Variants in KIF6 observed in about 807,000 individuals in gnomAD.
KIF6 encodes kinesin family member 6, also known as kinesin-like protein KIF6.
In KIF6, 106 loss-of-function variants were observed where a neutral mutation model predicts 112.7. The ratio of observed to expected loss-of-function variants is 0.94; its 90% CI spans 0.80 to 1.11. The LOEUF is 1.11. KIF6 is among the 50% of genes least tolerant of loss of function. KIF6 has a pLI of 0.00. For synonymous variants in KIF6, 339 were observed against 339.9 expected (o/e 1.00, Z 0.03); for missense variants, 929 against 964.0 (o/e 0.96, Z 0.48).
intron 3 of KIF6, among the ~76,000 whole-genome samples, chr6:39,654,303 C>G (rs557293531): frequency 1.3e-3 from 197 of 152,296 alleles, no homozygotes; most frequent in African/African-American, 3.8e-3. Flanking sequence ...CCTCCACCCC[C>G]ACAAACAGAA....
chr6:39,606,134 C>T (rs1782871232), intron 6 of KIF6, among the ~76,000 whole-genome samples: 3 of 151,780 alleles, frequency 2.0e-5, no homozygotes. Context: ...CCCTCCTCCT[C>T]CTTCTCCTAT....
At chr6:39,502,435 A>T (rs919568682) in intron 13 of KIF6, among the ~76,000 whole-genome samples, 1 of 152,178 alleles carries the variant, frequency 6.6e-6, no homozygotes, top group Non-Finnish European at 1.5e-5. Flanking sequence ...AATCACATAA[A>T]CAAGTCTGCG....
intron 3 of KIF6, among the ~76,000 whole-genome samples, chr6:39,713,173 A>G (rs1357428834): frequency 1.3e-5 from 2 of 152,196 alleles, no homozygotes; most frequent in Non-Finnish European, 2.9e-5. Context: ...GTCACCGCAC[A>G]CAATTAAAGC....
Position 39,368,117 on chromosome 6 carries a change from T to G in KIF6, c.1862-5599A>C, listed in dbSNP as rs575163175. 2.0e-5 allele frequency among the ~76,000 whole-genome samples: 3 copies of G among 152,282 alleles called. No homozygotes were observed. The South Asian group carries it at 6.2e-4, about 32-fold the overall frequency. The stretch of plus-strand genomic sequence containing the variant: ...GCACGTCCCCTACATGCCTGCCTGC[T>G]TTCCAGACATTTGGGAGCCACTGTG... On this transcript the variant is annotated intron_variant, in intron 16 of 22. Transcript: ENST00000287152.
intron 10 of KIF6, among the ~76,000 whole-genome samples, chr6:39,575,254 C>T (rs1210995480): frequency 6.6e-6 from 1 of 151,338 alleles, no homozygotes; most frequent in Non-Finnish European, 1.5e-5. Context: ...GCTGCCAGTG[C>T]TTGAGCGTCT....
chr6:39,674,472 T>C (rs1178020391), intron 3 of KIF6, among the ~76,000 whole-genome samples: 1 of 152,092 alleles, frequency 6.6e-6, no homozygotes, highest in Non-Finnish European at 1.5e-5. Context: ...CTTCTTTATA[T>C]CTCAGATGCA....
In KIF6 at chr6:39,584,417, T is replaced by TAAAAAA. The variant is rs61215070; in HGVS notation, c.1077+475_1077+480dup. On this transcript the variant is annotated intron_variant, in intron 9 of 22. Coordinates refer to ENST00000287152, the MANE Select transcript of KIF6 (RefSeq NM_145027.6). Reference sequence around the variant, plus strand: ...TCCAGCCTGAGCAAGACTCTGTCTCTAAAAAAAAAAAAAAAAAAAAAAAAA... The same window carrying TAAAAAA: ...TCCAGCCTGAGCAAGACTCTGTCTCTAAAAAAAAAAAAAAAAAAAAAAAAAAAAAAA... Among the ~76,000 whole-genome samples the TAAAAAA allele has an allele frequency of 5.0e-4, 23 of 46,048 alleles. 4 individuals are homozygous for TAAAAAA. The highest frequency in any genetic ancestry group is 1.2e-3 in the Non-Finnish European group (19 of 16,106). 30.2% of individuals were successfully genotyped at this position (46,048 alleles called of 152,430 possible).
chr6:39,569,838 T>C (rs1012322990), intron 10 of KIF6, among the ~76,000 whole-genome samples: 1 of 152,246 alleles, frequency 6.6e-6, no homozygotes, highest in Non-Finnish European at 1.5e-5. Context: ...AGGGATTATT[T>C]AGTTTGTCTC....
At chr6:39,714,854 A>G in intron 2 of KIF6, 88 bp from the exon 3 acceptor site, 2 of 873,746 alleles carry the variant, frequency 2.3e-6, no homozygotes, top group Non-Finnish European at 3.7e-6. Context: ...AAGCTCTATT[A>G]ATTACCCCAT....
intron 3 of KIF6, among the ~76,000 whole-genome samples, chr6:39,676,144 C>T (rs1388069795): frequency 1.3e-5 from 2 of 150,558 alleles, no homozygotes; most frequent in African/African-American, 2.4e-5. Context: ...CAATTAGTTC[C>T]AACTGGGATA....
chr6:39,549,297 C>G (rs1338356491), intron 10 of KIF6, among the ~76,000 whole-genome samples: 2 of 151,896 alleles, frequency 1.3e-5, no homozygotes, highest in African/African-American at 4.8e-5. Flanking sequence ...AATAAAAAGA[C>G]AAAGCAAGCT....
At chr6:39,571,137 T>C (rs1437823698) in intron 10 of KIF6, among the ~76,000 whole-genome samples, 1 of 152,214 alleles carries the variant, frequency 6.6e-6, no homozygotes, top group Non-Finnish European at 1.5e-5. Flanking sequence ...TTTTTCCACC[T>C]CTTGATAACC....
chr6:39,371,634 G>A (rs1766001485), intron 16 of KIF6, among the ~76,000 whole-genome samples: 1 of 151,140 alleles, frequency 6.6e-6, no homozygotes, highest in Non-Finnish European at 1.5e-5. Flanking sequence ...GACTATCTCT[G>A]GGGTGCTCTC....
chr6:39,467,252 A>AACAGAGAGAAC (rs1200801308), intron 13 of KIF6, among the ~76,000 whole-genome samples: 1 of 152,260 alleles, frequency 6.6e-6, no homozygotes, highest in Non-Finnish European at 1.5e-5. Flanking sequence ...CTAGATGCTT[A>AACAGAGAGAAC]ACAGAGAGAA....
At chr6:39,695,018 A>T (rs1003596848) in intron 3 of KIF6, among the ~76,000 whole-genome samples, 3 of 152,178 alleles carry the variant, frequency 2.0e-5, no homozygotes, top group African/African-American at 7.2e-5. Flanking sequence ...AAAGCTGCAC[A>T]TCTACAACCA....
intron 6 of KIF6, among the ~76,000 whole-genome samples, chr6:39,601,986 G>A (rs1442882520): frequency 1.3e-5 from 2 of 152,008 alleles, no homozygotes; most frequent in African/African-American, 4.8e-5. Context: ...TTCAATCCAA[G>A]TACTTTTATT....
At chr6:39,370,288 A>G (rs1422900861) in intron 16 of KIF6, among the ~76,000 whole-genome samples, 2 of 152,180 alleles carry the variant, frequency 1.3e-5, no homozygotes, top group African/African-American at 4.8e-5. Flanking sequence ...TGGGGAGAGC[A>G]GTTTTTCTTG....
intron 9 of KIF6, among the ~76,000 whole-genome samples, chr6:39,580,537 T>G (rs1184504285): frequency 6.6e-6 from 1 of 152,166 alleles, no homozygotes; most frequent in Non-Finnish European, 1.5e-5. Flanking sequence ...CATTCCTGTC[T>G]TATTTCTTCT....
intron 6 of KIF6, among the ~76,000 whole-genome samples, chr6:39,611,793 C>G (rs1015056684): frequency 1.3e-5 from 2 of 152,160 alleles, no homozygotes; most frequent in East Asian, 1.9e-4. Flanking sequence ...CCTTTGTCAT[C>G]ATACGCCCAA....
Sources: allele counts gnomAD v4.1 joint callset (sites outside exome capture counted in the v4.1 genomes callset), GRCh38; gene constraint gnomAD v4.1.1; transcripts MANE v1.5; gene names NCBI Gene and HGNC (gene_info 2026-07-23, HGNC 2026-07-21).